GIGYF2: variants seen among roughly 807,000 people sequenced by gnomAD.
GIGYF2 encodes the protein GRB10 interacting GYF protein 2.
In GIGYF2, 25 loss-of-function variants were observed where a neutral mutation model predicts 208.1. The ratio of observed to expected loss-of-function variants is 0.12; its 90% confidence interval spans 0.09 to 0.17. The LOEUF (loss-of-function observed/expected upper bound fraction) is 0.17. GIGYF2 is among the 10% of genes least tolerant of loss of function. GIGYF2 has a pLI of 1.00. For missense variants in GIGYF2, 1,302 were observed against 1,579.4 expected (o/e 0.82, Z 2.98); for synonymous variants, 534 against 543.8 (o/e 0.98, Z 0.25).
chr2:232,700,141 C>T (rs1306196602), intron 1 of GIGYF2, among the ~76,000 whole-genome samples: 1 of 152,174 alleles, frequency 6.6e-6, no homozygotes, highest in East Asian at 1.9e-4. Context: ...GCCTCAAAAT[C>T]ATGAGAAGAT....
chr2:232,809,017 T>C (rs950654526), intron 15 of GIGYF2, among the ~76,000 whole-genome samples: 1 of 152,200 alleles, frequency 6.6e-6, no homozygotes, highest in South Asian at 2.1e-4. Context: ...CAGTCTAGGC[T>C]CACTGCAACC....
At chr2:232,799,063 T>C (rs1255969629) in intron 14 of GIGYF2, among the ~76,000 whole-genome samples, 1 of 151,994 alleles carries the variant, frequency 6.6e-6, no homozygotes, top group Non-Finnish European at 1.5e-5. Flanking sequence ...GCAGTATTTG[T>C]CTTTTGACTG....
At chr2:232,707,011 G>A (rs1696148513) in intron 2 of GIGYF2, among the ~76,000 whole-genome samples, 1 of 151,146 alleles carries the variant, frequency 6.6e-6, no homozygotes, top group African/African-American at 2.4e-5. Flanking sequence ...TGGAAAAAAT[G>A]GCTTATGGTA....
chr2:232,727,626 T>C (rs1391359013), intron 2 of GIGYF2, among the ~76,000 whole-genome samples: 1 of 152,190 alleles, frequency 6.6e-6, no homozygotes, highest in East Asian at 1.9e-4. Flanking sequence ...AATTTGAGTT[T>C]AGTGAAGGGT....
chr2:232,697,968 C>T (rs1695678479), intron 1 of GIGYF2, among the ~76,000 whole-genome samples: 1 of 152,188 alleles, frequency 6.6e-6, no homozygotes, highest in African/African-American at 2.4e-5. Flanking sequence ...TGGACCAGGC[C>T]TGAGGCGAGG....
chr2:232,789,579 T>A (rs1162539767), intron 9 of GIGYF2, among the ~76,000 whole-genome samples: 1 of 152,188 alleles, frequency 6.6e-6, no homozygotes, highest in Non-Finnish European at 1.5e-5. Context: ...TTCTTTTTTG[T>A]GAGTGGCTTA....
chr2:232,812,259 T>G, intron 17 of GIGYF2, 132 bp from the exon 18 acceptor site: 1 of 625,884 alleles, frequency 1.6e-6, no homozygotes, highest in Non-Finnish European at 2.9e-6. Context: ...GTGTTAAGTT[T>G]TAGTAAAAGA....
intron 5 of GIGYF2, among the ~76,000 whole-genome samples, chr2:232,755,998 A>G (rs752154553): frequency 1.4e-4 from 22 of 152,098 alleles, no homozygotes; most frequent in Non-Finnish European, 2.6e-4. Context: ...TTGGTTGTCA[A>G]TTTTGTTGAT....
chr2:232,722,308 G>T (rs181146682), intron 2 of GIGYF2, among the ~76,000 whole-genome samples: 31 of 152,286 alleles, frequency 2.0e-4, no homozygotes, highest in African/African-American at 7.2e-4. Flanking sequence ...GAAGGAGAAG[G>T]GGAAGCAAGG....
intron 21 of GIGYF2, among the ~76,000 whole-genome samples, chr2:232,827,173 C>A (rs1441283695): frequency 1.3e-5 from 2 of 152,152 alleles, no homozygotes. Context: ...TTCTGAAAAT[C>A]CTAGGGCCCT....
Position 232,797,726 on chromosome 2 carries a change from A to C in GIGYF2, c.1639+1505A>C, listed in dbSNP as rs1245651289. ...GCTGATTGTGGTGGCTCATGCCTGT[A>C]ATCCCAGCATTTGGAAGGCCAGGGT... On this transcript the variant is annotated intron_variant, in intron 14 of 28. Transcript: ENST00000373563. Among the ~76,000 whole-genome samples, 4 of 152,068 alleles carry C rather than the reference A, an allele frequency of 2.6e-5. No homozygotes were observed. In the South Asian group the frequency reaches 6.2e-4, roughly 24 times the overall value.
At chr2:232,772,165 C>T (rs1364871293) in intron 8 of GIGYF2, among the ~76,000 whole-genome samples, 1 of 152,184 alleles carries the variant, frequency 6.6e-6, no homozygotes, top group Non-Finnish European at 1.5e-5. Context: ...CTTCCCACTT[C>T]AGCCTTCCAA....
At chr2:232,855,363 A>G (rs1690524195) in intron 28 of GIGYF2, among the ~76,000 whole-genome samples, 1 of 152,160 alleles carries the variant, frequency 6.6e-6, no homozygotes, top group South Asian at 2.1e-4. Context: ...CCCAGCCAGC[A>G]TTAGGTTTTC....
At chr2:232,820,505 G>A (rs775461942) in intron 21 of GIGYF2, among the ~76,000 whole-genome samples, 87 of 151,844 alleles carry the variant, frequency 5.7e-4, no homozygotes, top group African/African-American at 1.7e-3. Context: ...TAGTAGAGAC[G>A]GGGTTTCATT....
At chr2:232,839,205 T>G (rs1701741377) in intron 22 of GIGYF2, among the ~76,000 whole-genome samples, 1 of 152,230 alleles carries the variant, frequency 6.6e-6, no homozygotes. Context: ...ATAATCAGGC[T>G]TTGAGAATAT....
chr2:232,738,632 C>T (rs1240426334), intron 3 of GIGYF2, among the ~76,000 whole-genome samples: 1 of 152,208 alleles, frequency 6.6e-6, no homozygotes, highest in Non-Finnish European at 1.5e-5. Context: ...GCTGTATCTC[C>T]AGTGCCTGGC....
At chr2:232,705,923 T>G (rs2106247031) in intron 2 of GIGYF2, 1 of 152,194 alleles carries the variant, frequency 6.6e-6, no homozygotes, top group East Asian at 1.9e-4. Context: ...CAGGCTGGTC[T>G]GGAACTCCCG....
In GIGYF2 at chr2:232,771,859, T is replaced by TA. The variant is rs575857666; in HGVS notation, c.532+10424dup. On this transcript the variant is annotated intron_variant, in intron 8 of 28. Transcript: ENST00000373563. Reference sequence around the variant, plus strand: ...AATTAGAAGTCATTTGGAAGCTTATTATTAAACTGTCTGCAAATCCTTTGA... The same window carrying TA: ...AATTAGAAGTCATTTGGAAGCTTATTAATTAAACTGTCTGCAAATCCTTTGA... Among the ~76,000 whole-genome samples, 287 of 152,346 alleles carry TA rather than the reference T, an allele frequency of 1.9e-3. 3 individuals are homozygous for TA. The highest frequency in any genetic ancestry group is 6.6e-3 in the African/African-American group (273 of 41,584).
Position 232,790,840 on chromosome 2 carries a change from G to A in GIGYF2, c.855G>A (p.Leu285=). The change falls in exon 10 of 29, where the codon TTG becomes TTA. Residue 285 remains leucine (L), a synonymous_variant. Coordinates refer to ENST00000373563, the MANE Select transcript of GIGYF2 (RefSeq NM_001103146.3). ...GCATAGATGATGACAGGGATAGCTT[G>A]CCCGAATGGTGCTTAGAGGATGCTG... The part of the protein sequence containing the change: ...SGSIDDDRDS[L]PEWCLEDAEE... 1 of 1,614,112 alleles carries A rather than the reference G, an allele frequency of 6.2e-7. No individual in the cohort carries two copies. The highest frequency in any genetic ancestry group is 8.5e-7 in the Non-Finnish European group (1 of 1,179,996).
Sources: allele counts gnomAD v4.1 joint callset (sites outside exome capture counted in the v4.1 genomes callset), GRCh38; gene constraint gnomAD v4.1.1; transcripts MANE v1.5; gene names NCBI Gene and HGNC (gene_info 2026-07-23, HGNC 2026-07-21).